Variants in ATP8A2 observed in about 807,000 individuals in gnomAD.
ATP8A2 encodes ATPase phospholipid transporting 8A2, also known as phospholipid-transporting ATPase IB.
Under a neutral mutation model 165.6 loss-of-function variants are expected in ATP8A2, and 100 were observed. The ratio of observed to expected loss-of-function variants is 0.60; its 90% CI spans 0.51 to 0.71. The LOEUF is 0.71. Among genes scored for constraint, ATP8A2 ranks in the 30% least tolerant of loss-of-function variants. ATP8A2 has a pLI of 0.00. For synonymous variants in ATP8A2, 543 were observed against 548.8 expected, an observed-to-expected ratio of 0.99 and a Z score of 0.15; for missense variants, 1,227 against 1,479.5, an observed-to-expected ratio of 0.83 and a Z score of 2.80.
chr13:25,486,525 A>G lies in ATP8A2; in HGVS notation c.221+17404A>G, dbSNP rs138216805. ...ATGATGAATTTTGATATTTTGAGAT[A>G]CAACCATTAGAAAAAAATGAAGAGA... is the stretch of plus-strand genomic sequence containing the variant. On this transcript the variant is annotated intron_variant, in intron 2 of 36. Coordinates refer to ENST00000381655, the MANE Select transcript of ATP8A2 (RefSeq NM_016529.6). Among the ~76,000 whole-genome samples, 759 of 152,342 alleles carry G rather than the reference A, an allele frequency of 5.0e-3. 5 individuals are homozygous for G. The highest frequency in any genetic ancestry group is 0.018 in the African/African-American group (736 of 41,570).
chr13:25,942,911 C>T (rs192220992), intron 33 of ATP8A2, among the ~76,000 whole-genome samples: 6 of 152,224 alleles, frequency 3.9e-5, no homozygotes, highest in South Asian at 2.1e-4. Context: ...TCCATTTGGA[C>T]GAGTAGTATT....
chr13:25,775,585 A>G (rs184381767), intron 27 of ATP8A2, among the ~76,000 whole-genome samples: 19 of 152,266 alleles, frequency 1.2e-4, no homozygotes, highest in South Asian at 4.1e-4. Flanking sequence ...TTACCAGTAA[A>G]ACAAACGTGC....
rs2038048553 is a variant in ATP8A2, at chr13:25,531,255, T to TATATATGATATATATGTTATATATG, written c.420+611_420+612insTTATATATGATATATGATATATATG. The stretch of plus-strand genomic sequence containing the variant: ...TATATGATATATATGTTATATATGA[T>TATATATGATATATATGTTATATATG]ATATATGATATATATGATATATATG... On this transcript the variant is annotated intron_variant, in intron 4 of 36. Coordinates refer to ENST00000381655, the MANE Select transcript of ATP8A2 (RefSeq NM_016529.6). Among the ~76,000 whole-genome samples, 10 of 7,032 alleles carry TATATATGATATATATGTTATATATG rather than the reference T, an allele frequency of 1.4e-3. 1 individual carries two copies. Among genetic ancestry groups the TATATATGATATATATGTTATATATG allele is most frequent in the South Asian group, 4.5e-3 (1 of 224 alleles). The allele number at this position is 7,032 out of a possible 152,430, so 4.6% of individuals were successfully genotyped here. A position where few individuals can be genotyped will look rare whatever the true frequency, so the allele number is the denominator to read the frequency against.
rs1354593114 is a variant in ATP8A2, at chr13:26,023,567, T to A, written c.*3582T>A. ...TTACAGGATTTAAGGTTGAATTTTT[T>A]AAAAAGAAAGTTATAGTCTGTAATT... On this transcript the variant is annotated 3_prime_UTR_variant, in exon 37 of 37. Transcript: ENST00000381655. The A allele has an allele frequency of 6.6e-6, 1 of 152,236 alleles. No homozygotes were observed. The highest frequency in any genetic ancestry group is 1.5e-5 in the Non-Finnish European group (1 of 68,048). 9.4% of individuals were successfully genotyped at this position (152,236 alleles called of 1,614,324 possible). A position where few individuals can be genotyped will look rare whatever the true frequency, so the allele number is the denominator to read the frequency against.
chr13:25,698,215 A>G (rs7329665), intron 24 of ATP8A2, among the ~76,000 whole-genome samples: 136,683 of 151,262 alleles, frequency 0.9, 61,860 homozygotes, highest in South Asian at 0.94. Context: ...TGTGAAAACA[A>G]GAACGTCTGT....
chr13:25,992,696 T>G (rs1442959438), intron 35 of ATP8A2, among the ~76,000 whole-genome samples: 3 of 152,174 alleles, frequency 2.0e-5, no homozygotes, highest in African/African-American at 4.8e-5. Flanking sequence ...TTGTTTGTTT[T>G]TTTAATTATA....
intron 24 of ATP8A2, among the ~76,000 whole-genome samples, chr13:25,678,376 C>T (rs2042414428): frequency 6.6e-6 from 1 of 151,952 alleles, no homozygotes; most frequent in Non-Finnish European, 1.5e-5. Flanking sequence ...GAGGATATGG[C>T]CGGGAGTATT....
At chr13:25,778,080 C>T (rs1395326687) in intron 27 of ATP8A2, among the ~76,000 whole-genome samples, 2 of 152,078 alleles carry the variant, frequency 1.3e-5, no homozygotes, top group Admixed American at 6.6e-5. Context: ...ATGTATAGAC[C>T]CAGGGCATGC....
rs1013048640 is a variant in ATP8A2 at position 26,023,583 on chromosome 13, G to A, written c.*3598G>A. The A allele has an allele frequency of 6.6e-6, 1 of 152,180 alleles. No individual in the cohort carries two copies. The highest frequency in any genetic ancestry group is 6.5e-5 in the Admixed American group (1 of 15,276). 9.4% of individuals were successfully genotyped at this position (152,180 alleles called of 1,614,324 possible). A position where few individuals can be genotyped will look rare whatever the true frequency, so the allele number is the denominator to read the frequency against. On this transcript the variant is annotated 3_prime_UTR_variant, in exon 37 of 37. Coordinates refer to ENST00000381655, the MANE Select transcript of ATP8A2 (RefSeq NM_016529.6). ...TGAATTTTTTAAAAAGAAAGTTATA[G>A]TCTGTAATTTCCATTTGTTATAATA...
intron 35 of ATP8A2, among the ~76,000 whole-genome samples, chr13:26,002,366 T>G (rs1956643396): frequency 1.4e-5 from 2 of 145,230 alleles, no homozygotes; most frequent in African/African-American, 2.6e-5. Flanking sequence ...AACTGAACAG[T>G]GAGAACACTT....
chr13:25,378,245 G>A (rs987607925), intron 1 of ATP8A2, among the ~76,000 whole-genome samples: 2 of 152,066 alleles, frequency 1.3e-5, no homozygotes, highest in African/African-American at 4.8e-5. Context: ...TTGCTCTGAC[G>A]GTTCATTTCT....
At chr13:25,927,757 C>G (rs1461051043) in intron 33 of ATP8A2, among the ~76,000 whole-genome samples, 1 of 152,214 alleles carries the variant, frequency 6.6e-6, no homozygotes, top group African/African-American at 2.4e-5. Flanking sequence ...CTCTGCTGTT[C>G]ACTCATATAA....
intron 25 of ATP8A2, among the ~76,000 whole-genome samples, chr13:25,758,452 A>G (rs538820102): frequency 1.3e-5 from 2 of 152,358 alleles, no homozygotes; most frequent in South Asian, 2.1e-4. Flanking sequence ...CACATTTCAG[A>G]TCAGACTTTG....
At chr13:25,887,215 T>C (rs1374193684) in intron 33 of ATP8A2, among the ~76,000 whole-genome samples, 2 of 152,186 alleles carry the variant, frequency 1.3e-5, no homozygotes, top group African/African-American at 4.8e-5. Flanking sequence ...TTTGTGAAAA[T>C]GGAAAGTCAC....
In ATP8A2 at chr13:25,839,638, G is replaced by T. The variant is rs1292016960; in HGVS notation, c.2956+14G>T. On this transcript the variant is annotated intron_variant, in intron 30 of 36. Coordinates refer to ENST00000381655, the MANE Select transcript of ATP8A2 (RefSeq NM_016529.6). Reference sequence around the variant, plus strand: ...CTCTGGAGCATGGTAAGGGCTGTGTGATTTCACCTGTCAGCAAGGAGCTTT... The same window carrying T: ...CTCTGGAGCATGGTAAGGGCTGTGTTATTTCACCTGTCAGCAAGGAGCTTT... The T allele has an allele frequency of 5.0e-6, 8 of 1,608,758 alleles. No individual in the cohort carries two copies. Among genetic ancestry groups the T allele is most frequent in the Non-Finnish European group, 6.8e-6 (8 of 1,175,294 alleles).
At chr13:25,842,538 G>A (rs1238859133) in intron 30 of ATP8A2, among the ~76,000 whole-genome samples, 1 of 152,082 alleles carries the variant, frequency 6.6e-6, no homozygotes, top group African/African-American at 2.4e-5. Context: ...TGGGTGTGGT[G>A]GCAGGCACCT....
intron 24 of ATP8A2, among the ~76,000 whole-genome samples, chr13:25,610,274 C>T (rs1268253317): frequency 6.6e-6 from 1 of 152,134 alleles, no homozygotes; most frequent in East Asian, 1.9e-4. Context: ...TTTGATCCAT[C>T]TTGAGTTGAT....
intron 25 of ATP8A2, among the ~76,000 whole-genome samples, chr13:25,737,830 CTGG>C (rs2043809781): frequency 6.6e-6 from 1 of 152,170 alleles, no homozygotes; most frequent in Non-Finnish European, 1.5e-5. Flanking sequence ...CTTCAGGCGC[CTGG>C]CCACCATGCC....
At chr13:25,941,821 C>T (rs935095327) in intron 33 of ATP8A2, among the ~76,000 whole-genome samples, 1 of 152,078 alleles carries the variant, frequency 6.6e-6, no homozygotes, top group Non-Finnish European at 1.5e-5. Context: ...AAATAAGTGG[C>T]CTATTCAAAT....
Sources: allele counts gnomAD v4.1 joint callset (sites outside exome capture counted in the v4.1 genomes callset), GRCh38; gene constraint gnomAD v4.1.1; transcripts MANE v1.5; gene names NCBI Gene and HGNC (gene_info 2026-07-23, HGNC 2026-07-21).